The following CCDC178 variants were observed in gnomAD, a reference collection of about 807,000 sequenced individuals.
CCDC178 encodes the protein coiled-coil domain containing 178, also known as coiled-coil domain-containing protein 178.
In CCDC178, 126 loss-of-function variants were observed where a neutral mutation model predicts 117.4. That is an observed-to-expected ratio of 1.07 (90% CI 0.93 to 1.24). The LOEUF is 1.24. Ranked by LOEUF, CCDC178 falls within the 50% of genes most tolerant of loss-of-function variation. The pLI, the probability that CCDC178 is intolerant of heterozygous loss-of-function variation, is 0.00. For synonymous variants in CCDC178, 283 were observed against 313.4 expected, an observed-to-expected ratio of 0.90 and a Z score of 1.02; for missense variants, 1,030 against 986.9, an observed-to-expected ratio of 1.04 and a Z score of -0.59.
At chr18:33,282,553 G>C (rs9959547) in intron 12 of CCDC178, among the ~76,000 whole-genome samples, 52 of 152,232 alleles carry the variant, frequency 3.4e-4, no homozygotes, top group African/African-American at 1.2e-3. Flanking sequence ...CCACACCATA[G>C]CTTCTGCATT....
chr18:33,158,341 C>T (rs780967920), intron 20 of CCDC178, among the ~76,000 whole-genome samples: 1 of 152,062 alleles, frequency 6.6e-6, no homozygotes, highest in African/African-American at 2.4e-5. Flanking sequence ...AAACGTCTAC[C>T]TTCAATCTAC....
rs367765742 is a variant in CCDC178 at position 33,245,265 on chromosome 18, C to T, written c.1573G>A (p.Glu525Lys). The T allele has an allele frequency of 7.6e-6, 12 of 1,588,912 alleles. No homozygotes were observed. The highest frequency in any genetic ancestry group is 1.7e-4 in the Middle Eastern group (1 of 5,970). Residue 525 changes from glutamate (E) to lysine (K), a missense_variant, in exon 15 of 23, where the codon GAA (glutamate) becomes AAA (lysine). Coordinates refer to ENST00000383096, the MANE Select transcript of CCDC178 (RefSeq NM_001105528.4). The stretch of plus-strand genomic sequence containing the variant: ...ACAACCTTGAACTTTCTTCTCACTT[C>T]TGCTATTTTATCTTCCATTTCATCT... ...KTDEMEDKIA[E>K]VRRKFKGREE...
chr18:33,319,553 A>C (rs2062473929), intron 11 of CCDC178, among the ~76,000 whole-genome samples: 1 of 152,038 alleles, frequency 6.6e-6, no homozygotes, highest in Non-Finnish European at 1.5e-5. Context: ...TTAGGTATAT[A>C]CCCAGTAATG....
At chr18:33,195,869 C>A (rs2058923869) in intron 20 of CCDC178, among the ~76,000 whole-genome samples, 1 of 152,114 alleles carries the variant, frequency 6.6e-6, no homozygotes, top group African/African-American at 2.4e-5. Flanking sequence ...TATCTGCATC[C>A]TTTGAGGCTG....
chr18:33,188,448 A>C (rs2058820746), intron 20 of CCDC178, among the ~76,000 whole-genome samples: 1 of 152,186 alleles, frequency 6.6e-6, no homozygotes. Context: ...GCATAATCAC[A>C]TGAGACCTTA....
At chr18:33,309,608 G>A (rs1259296376) in intron 11 of CCDC178, among the ~76,000 whole-genome samples, 1 of 152,098 alleles carries the variant, frequency 6.6e-6, no homozygotes, top group Non-Finnish European at 1.5e-5. Flanking sequence ...TCTATAAAAT[G>A]CCGACATCTG....
intron 20 of CCDC178, among the ~76,000 whole-genome samples, chr18:33,204,241 T>C (rs889969119): frequency 6.6e-6 from 1 of 152,218 alleles, no homozygotes; most frequent in East Asian, 1.9e-4. Flanking sequence ...ATATTTCATA[T>C]TTATTTGAGC....
intron 12 of CCDC178, among the ~76,000 whole-genome samples, chr18:33,292,313 A>C (rs1423277389): frequency 6.6e-6 from 1 of 152,194 alleles, no homozygotes; most frequent in Admixed American, 6.5e-5. Flanking sequence ...AAGTGAAATA[A>C]GCCTAGCACA....
At chr18:33,358,462 G>A (rs2063086316) in intron 6 of CCDC178, among the ~76,000 whole-genome samples, 1 of 151,786 alleles carries the variant, frequency 6.6e-6, no homozygotes, top group South Asian at 2.1e-4. Context: ...CTAGTGGGAT[G>A]GAACAGGCCA....
intron 20 of CCDC178, among the ~76,000 whole-genome samples, chr18:33,096,851 A>C (rs1274861045): frequency 6.6e-6 from 1 of 152,074 alleles, no homozygotes; most frequent in Non-Finnish European, 1.5e-5. Context: ...AATATTAGGG[A>C]GTGCTTACTA....
chr18:33,198,994 A>G (rs2058963999), intron 20 of CCDC178, among the ~76,000 whole-genome samples: 2 of 152,028 alleles, frequency 1.3e-5, no homozygotes, highest in African/African-American at 2.4e-5. Context: ...CAGGAACTCA[A>G]TATATATTCA....
At position 33,089,754 on chromosome 18, in the gene CCDC178, C is replaced by A. The variant is rs530774866; in HGVS notation, c.2388+3007G>T. ...TAAAACAAATACATGGTGACTTCAT[C>A]AAAATACCCATGGACTTTTTTTAAC... On this transcript the variant is annotated intron_variant, in intron 21 of 22. Transcript: ENST00000383096. 3.6e-4 allele frequency among the ~76,000 whole-genome samples: 55 copies of A among 152,192 alleles called. No individual in the cohort carries two copies. In the East Asian group the frequency reaches 6.4e-3, roughly 18 times the overall value.
At chr18:33,367,697 C>A (rs1599229341) in intron 6 of CCDC178, among the ~76,000 whole-genome samples, 2 of 152,046 alleles carry the variant, frequency 1.3e-5, no homozygotes, top group East Asian at 3.9e-4. Flanking sequence ...AACTAAATAT[C>A]TAATGGAGAG....
rs2055934131 is a variant in CCDC178 at position 33,014,304 on chromosome 18, T to C, written c.2389-39623A>G. On this transcript the variant is annotated intron_variant, in intron 21 of 22. Coordinates refer to ENST00000383096, the MANE Select transcript of CCDC178 (RefSeq NM_001105528.4). ...TTGACAAGACTCATAGTTTAATCAG[T>C]GTAAACAAGCGCATGCTTAGAGCGT... Among the ~76,000 whole-genome samples, 6 of 152,208 alleles carry C rather than the reference T, an allele frequency of 3.9e-5. No individual in the cohort carries two copies. The South Asian group carries it at 1.2e-3, about 31-fold the overall frequency.
chr18:33,005,783 T>C (rs2055734733), intron 21 of CCDC178, among the ~76,000 whole-genome samples: 2 of 152,016 alleles, frequency 1.3e-5, no homozygotes, highest in South Asian at 4.1e-4. Context: ...TAGATGCTTC[T>C]TTTTCTACAG....
chr18:33,079,927 A>G (rs1324300258), intron 21 of CCDC178, among the ~76,000 whole-genome samples: 1 of 152,252 alleles, frequency 6.6e-6, no homozygotes, highest in Non-Finnish European at 1.5e-5. Flanking sequence ...ATTACTTGGT[A>G]TGTACCCAGA....
intron 22 of CCDC178, among the ~76,000 whole-genome samples, chr18:32,973,548 C>G (rs1348503271): frequency 1.3e-5 from 2 of 152,030 alleles, no homozygotes; most frequent in African/African-American, 2.4e-5. Flanking sequence ...AACCCACTGT[C>G]AAAACAACCC....
intron 20 of CCDC178, among the ~76,000 whole-genome samples, chr18:33,165,694 T>A (rs975507355): frequency 6.6e-6 from 1 of 152,202 alleles, no homozygotes; most frequent in Non-Finnish European, 1.5e-5. Flanking sequence ...TGCCTGTCAA[T>A]TGTTAAGTAA....
At chr18:33,056,915 T>C (rs1440993583) in intron 21 of CCDC178, among the ~76,000 whole-genome samples, 1 of 151,540 alleles carries the variant, frequency 6.6e-6, no homozygotes, top group African/African-American at 2.4e-5. Flanking sequence ...AAAGTCATCT[T>C]TGATGTTGGA....
Sources: gnomAD v4.1 joint callset for allele counts (sites outside exome capture counted in the v4.1 genomes callset) on GRCh38, gnomAD v4.1.1 for gene constraint, MANE v1.5 for transcripts, NCBI Gene and HGNC (gene_info 2026-07-23, HGNC 2026-07-21) for gene names.